PDE4D: variants seen among roughly 807,000 people sequenced by gnomAD.
The protein encoded by PDE4D is 3',5'-cyclic-AMP phosphodiesterase 4D.
Under a neutral mutation model 87.4 loss-of-function variants are expected in PDE4D, and 24 were observed. That is an observed-to-expected ratio of 0.27 (90% CI 0.20 to 0.39). PDE4D has a LOEUF of 0.39. Among genes scored for constraint, PDE4D ranks in the 10% least tolerant of loss-of-function variants. The pLI, the probability that PDE4D is intolerant of heterozygous loss-of-function variation, is 1.00. For synonymous variants in PDE4D, 384 were observed against 383.2 expected (o/e 1.00, Z -0.02); for missense variants, 714 against 1,041.0 (o/e 0.69, Z 4.32).
At chr5:59,245,227 C>G (rs913086149) in intron 1 of PDE4D, among the ~76,000 whole-genome samples, 1 of 152,030 alleles carries the variant, frequency 6.6e-6, no homozygotes, top group African/African-American at 2.4e-5. Flanking sequence ...AGCTAGGGTA[C>G]ACAAGGACAT....
At chr5:59,518,511 T>A (rs979375881) in intron 1 of PDE4D, among the ~76,000 whole-genome samples, 2 of 152,056 alleles carry the variant, frequency 1.3e-5, no homozygotes, top group Admixed American at 6.6e-5. Flanking sequence ...GGATCTTATA[T>A]CAATTTAGGA....
chr5:59,592,287 C>T (rs1326108343), intron 1 of PDE4D: 2 of 244,026 alleles, frequency 8.2e-6, no homozygotes, highest in Admixed American at 6.5e-5. Context: ...AGTCTGAAGG[C>T]ATGCTGTTCT....
intron 1 of PDE4D, among the ~76,000 whole-genome samples, chr5:59,678,024 A>T (rs1748400205): frequency 1.3e-5 from 2 of 152,208 alleles, no homozygotes; most frequent in African/African-American, 4.8e-5. Flanking sequence ...TCAACAAATA[A>T]ATAATCCCAT....
At chr5:60,080,845 T>C (rs952734858) in intron 2 of PDE4D, among the ~76,000 whole-genome samples, 1 of 152,172 alleles carries the variant, frequency 6.6e-6, no homozygotes, top group Non-Finnish European at 1.5e-5. Context: ...GTTTTCCTTT[T>C]TTGTTGTGTC....
At chr5:59,599,888 G>A (rs1016093644) in intron 1 of PDE4D, among the ~76,000 whole-genome samples, 2 of 152,182 alleles carry the variant, frequency 1.3e-5, no homozygotes, top group Non-Finnish European at 2.9e-5. Flanking sequence ...GTTTTGTTTT[G>A]TTTTCCTGAA....
intron 1 of PDE4D, among the ~76,000 whole-genome samples, chr5:59,403,937 T>C (rs1469652728): frequency 6.6e-6 from 1 of 152,226 alleles, no homozygotes; most frequent in African/African-American, 2.4e-5. Flanking sequence ...AGGAGTGTTC[T>C]CTTTTCTCTA....
At chr5:59,101,721 T>G (rs990751562) in intron 5 of PDE4D, among the ~76,000 whole-genome samples, 1 of 152,220 alleles carries the variant, frequency 6.6e-6, no homozygotes, top group East Asian at 1.9e-4. Context: ...TTTTTTTTTT[T>G]TTAAGTGCAT....
chr5:59,970,903 C>A (rs1254123174), intron 3 of PDE4D, among the ~76,000 whole-genome samples: 1 of 148,800 alleles, frequency 6.7e-6, no homozygotes, highest in East Asian at 2.0e-4. Flanking sequence ...AAGACACATG[C>A]ACACGTATGT....
chr5:60,173,239 T>A (rs1378961202), intron 2 of PDE4D, among the ~76,000 whole-genome samples: 2 of 9,272 alleles, frequency 2.2e-4, no homozygotes, highest in East Asian at 6.0e-3. Flanking sequence ...GGATTCACCA[T>A]TACTAGTTGT....
At chr5:59,882,924 C>T (rs168883) in intron 1 of PDE4D, among the ~76,000 whole-genome samples, 72,189 of 151,854 alleles carry the variant, frequency 0.48, 17,685 homozygotes, top group Admixed American at 0.54. Flanking sequence ...ATTACAGGCA[C>T]GTGTCACCAT....
chr5:60,492,247 A>G (rs1561312802), upstream of PDE4D, among the ~76,000 whole-genome samples: 1 of 152,112 alleles, frequency 6.6e-6, no homozygotes, highest in Non-Finnish European at 1.5e-5. Flanking sequence ...TGAGCAACAC[A>G]GCAAGACCCC....
Position 59,443,498 on chromosome 5 carries a change from T to C in PDE4D, c.456-227530A>G, listed in dbSNP as rs142174334. ...AGAAATAAAAGCATGTACTCTCTCG[T>C]TCTCCTTTCCAATACTGGAAAATCA... is the stretch of plus-strand genomic sequence containing the variant. On this transcript the variant is annotated intron_variant, in intron 1 of 14. Transcript: ENST00000340635. 4.0e-3 allele frequency among the ~76,000 whole-genome samples: 609 copies of C among 152,336 alleles called. 8 individuals are homozygous for C. Among genetic ancestry groups the C allele is most frequent in the African/African-American group, 0.014 (571 of 41,580 alleles).
intron 1 of PDE4D, among the ~76,000 whole-genome samples, chr5:60,315,982 T>C (rs1755543242): frequency 6.6e-6 from 1 of 152,288 alleles, no homozygotes; most frequent in Non-Finnish European, 1.5e-5. Flanking sequence ...TCTTTTTTGG[T>C]TCCATATGAA....
chr5:59,108,955 A>ATGTGTGTG (rs57004711), intron 5 of PDE4D, among the ~76,000 whole-genome samples: 1,305 of 121,816 alleles, frequency 0.011, 20 homozygotes, highest in African/African-American at 0.022. Flanking sequence ...TAGGAACTCA[A>ATGTGTGTG]TGTGTGTGTG....
chr5:60,451,851 C>G (rs1360402948), intron 1 of PDE4D, among the ~76,000 whole-genome samples: 2 of 151,974 alleles, frequency 1.3e-5, no homozygotes, highest in East Asian at 3.9e-4. Context: ...CTTTACTGAC[C>G]AGAATGCCTG....
chr5:60,026,639 T>TG (rs1443436324), intron 2 of PDE4D, among the ~76,000 whole-genome samples: 4 of 152,178 alleles, frequency 2.6e-5, no homozygotes, highest in Non-Finnish European at 4.4e-5. Flanking sequence ...TTCAACACCA[T>TG]GATAAGTCCA....
intron 1 of PDE4D, 85 bp from the exon 2 acceptor site, chr5:59,216,053 C>G (rs1751185711): frequency 1.1e-6 from 1 of 908,864 alleles, no homozygotes; most frequent in African/African-American, 1.7e-5. Context: ...AGCTGAGGAA[C>G]TGACAGTGGA....
At chr5:59,968,549 A>C (rs1002341326) in intron 3 of PDE4D, among the ~76,000 whole-genome samples, 3 of 152,168 alleles carry the variant, frequency 2.0e-5, no homozygotes, top group Non-Finnish European at 4.4e-5. Flanking sequence ...AAATCTGTAC[A>C]AATACCCATA....
intron 1 of PDE4D, among the ~76,000 whole-genome samples, chr5:59,849,435 A>C (rs796416138): frequency 6.6e-5 from 10 of 152,106 alleles, no homozygotes; most frequent in African/African-American, 2.4e-4. Context: ...AAAGAAAAGG[A>C]GATCATGTAG....
Sources: gnomAD v4.1 joint callset for allele counts (sites outside exome capture counted in the v4.1 genomes callset) on GRCh38, gnomAD v4.1.1 for gene constraint, MANE v1.5 for transcripts, NCBI Gene and HGNC (gene_info 2026-07-23, HGNC 2026-07-21) for gene names.